Variants in MECOM observed in about 807,000 individuals in gnomAD.
MECOM encodes histone-lysine N-methyltransferase MECOM.
In MECOM, 13 loss-of-function variants were observed where a neutral mutation model predicts 116.3. The ratio of observed to expected loss-of-function variants is 0.11; its 90% confidence interval spans 0.07 to 0.18. The LOEUF (loss-of-function observed/expected upper bound fraction) is 0.18. MECOM is among the 10% of genes least tolerant of loss of function. The pLI, the probability that MECOM is intolerant of heterozygous loss-of-function variation, is 1.00. For missense variants in MECOM, 1,299 were observed against 1,509.0 expected (o/e 0.86, Z 2.31); for synonymous variants, 528 against 535.2 (o/e 0.99, Z 0.19).
Position 169,503,936 on chromosome 3 carries a change from T to C in MECOM, c.38-122412A>G, listed in dbSNP as rs77816888. ...CTAGTGAATATCGTTCTTGTAATAGTATCAATTGTTTCAATATGTAAAACT... is the reference window on the plus strand; with the variant it reads ...CTAGTGAATATCGTTCTTGTAATAGCATCAATTGTTTCAATATGTAAAACT... On this transcript the variant is annotated intron_variant, in intron 1 of 16. Coordinates refer to ENST00000651503, the MANE Select transcript of MECOM (RefSeq NM_004991.4). Among the ~76,000 whole-genome samples, 980 of 152,246 alleles carry C rather than the reference T, an allele frequency of 6.4e-3. 14 individuals are homozygous for C. Among genetic ancestry groups the C allele is most frequent in the Middle Eastern group, 0.017 (5 of 294 alleles).
chr3:169,485,957 A>G (rs1254559431), intron 1 of MECOM, among the ~76,000 whole-genome samples: 2 of 77,124 alleles, frequency 2.6e-5, no homozygotes, highest in Admixed American at 1.4e-4. Flanking sequence ...ATATATGTAC[A>G]TATATACTAT....
chr3:169,508,762 G>A (rs1755606556), intron 1 of MECOM, among the ~76,000 whole-genome samples: 1 of 152,140 alleles, frequency 6.6e-6, no homozygotes, highest in African/African-American at 2.4e-5. Context: ...CCTCTTTGAT[G>A]TAACATTCCT....
chr3:169,282,056 G>A (rs1375132806), intron 2 of MECOM, among the ~76,000 whole-genome samples: 9 of 152,064 alleles, frequency 5.9e-5, no homozygotes, highest in Non-Finnish European at 8.8e-5. Context: ...CTGAATATTC[G>A]ATAAACCTAA....
At chr3:169,161,147 C>T (rs145280009) in intron 2 of MECOM, among the ~76,000 whole-genome samples, 1 of 152,182 alleles carries the variant, frequency 6.6e-6, no homozygotes, top group Non-Finnish European at 1.5e-5. Context: ...TGGTCACCAC[C>T]TTTAAGTAGC....
chr3:169,527,462 A>G (rs1758091755), intron 1 of MECOM, among the ~76,000 whole-genome samples: 1 of 152,232 alleles, frequency 6.6e-6, no homozygotes, highest in Admixed American at 6.5e-5. Flanking sequence ...GGACTACTTA[A>G]GCCCCACGCA....
chr3:169,274,201 T>C (rs1759314413), intron 2 of MECOM, among the ~76,000 whole-genome samples: 1 of 152,152 alleles, frequency 6.6e-6, no homozygotes, highest in Admixed American at 6.5e-5. Context: ...CATGAGGCAC[T>C]GTGCCTGGCC....
chr3:169,270,361 G>A lies in MECOM; in HGVS notation c.375+110826C>T, dbSNP rs547208522. ...TGGATTATTGAAGTAGGAATTTAAG[G>A]TTCCAGATTATATCTATATCTGTAT... On this transcript the variant is annotated intron_variant, in intron 2 of 16. Coordinates refer to ENST00000651503, the MANE Select transcript of MECOM (RefSeq NM_004991.4). Among the ~76,000 whole-genome samples the A allele has an allele frequency of 1.5e-3, 222 of 151,976 alleles. 1 individual carries two copies. The highest frequency in any genetic ancestry group is 2.5e-3 in the Non-Finnish European group (173 of 67,960).
chr3:169,124,008 G>C (rs1731958936), intron 5 of MECOM, among the ~76,000 whole-genome samples: 1 of 152,046 alleles, frequency 6.6e-6, no homozygotes. Context: ...TAAACAAATA[G>C]GCTATGAAGG....
At chr3:169,184,059 T>C (rs1409850379) in intron 2 of MECOM, among the ~76,000 whole-genome samples, 2 of 151,922 alleles carry the variant, frequency 1.3e-5, no homozygotes, top group Non-Finnish European at 1.5e-5. Context: ...AGAGACGCGA[T>C]TTCACCACAT....
At chr3:169,324,393 T>A (rs1721476960) in intron 2 of MECOM, among the ~76,000 whole-genome samples, 1 of 152,248 alleles carries the variant, frequency 6.6e-6, no homozygotes. Flanking sequence ...AAAATCATCT[T>A]CATGGCTGGA....
At chr3:169,434,233 T>C (rs1026984264) in intron 1 of MECOM, among the ~76,000 whole-genome samples, 1 of 152,194 alleles carries the variant, frequency 6.6e-6, no homozygotes, top group Non-Finnish European at 1.5e-5. Context: ...AAAATAAGCA[T>C]ACTTTAGAAG....
intron 2 of MECOM, chr3:169,146,443 G>GA: frequency 2.2e-6 from 3 of 1,389,140 alleles, no homozygotes; most frequent in Non-Finnish European, 2.9e-6. Flanking sequence ...AGAGCGCAAG[G>GA]AAAAGAGGCC....
At chr3:169,358,634 C>T (rs1395219255) in intron 2 of MECOM, among the ~76,000 whole-genome samples, 1 of 151,594 alleles carries the variant, frequency 6.6e-6, no homozygotes, top group Non-Finnish European at 1.5e-5. Flanking sequence ...GTCCCAAAGG[C>T]AGTCTCTCTC....
chr3:169,389,456 C>T (rs1050448700), intron 1 of MECOM: 1 of 599,684 alleles, frequency 1.7e-6, no homozygotes, highest in African/African-American at 2.0e-5. Flanking sequence ...TAAGAACAGA[C>T]TTATCACATA....
chr3:169,126,149 T>C (rs1199217581), intron 5 of MECOM, among the ~76,000 whole-genome samples: 1 of 152,104 alleles, frequency 6.6e-6, no homozygotes, highest in Non-Finnish European at 1.5e-5. Flanking sequence ...TTCTACTAAA[T>C]GTTTGACTGA....
chr3:169,583,954 T>G (rs1765430808), intron 1 of MECOM, among the ~76,000 whole-genome samples: 1 of 152,166 alleles, frequency 6.6e-6, no homozygotes, highest in Non-Finnish European at 1.5e-5. Flanking sequence ...CGTAGCTTAA[T>G]TCTCAAAAAT....
chr3:169,480,771 G>A (rs939353844), intron 1 of MECOM, among the ~76,000 whole-genome samples: 1 of 152,092 alleles, frequency 6.6e-6, no homozygotes, highest in Non-Finnish European at 1.5e-5. Context: ...TTTTCAGGAG[G>A]CTCCTCTCTG....
At chr3:169,641,064 A>T (rs992386882) in intron 1 of MECOM, among the ~76,000 whole-genome samples, 2 of 152,184 alleles carry the variant, frequency 1.3e-5, no homozygotes, top group African/African-American at 2.4e-5. Context: ...GTCTTTTCAC[A>T]TTGCCACCTG....
At chr3:169,097,706 T>C (rs564922546) in intron 12 of MECOM, among the ~76,000 whole-genome samples, 2 of 151,498 alleles carry the variant, frequency 1.3e-5, no homozygotes, top group Admixed American at 6.6e-5. Context: ...GGCACCTGCC[T>C]ATACTATAAT....
Sources: gnomAD v4.1 joint callset for allele counts (sites outside exome capture counted in the v4.1 genomes callset) on GRCh38, gnomAD v4.1.1 for gene constraint, MANE v1.5 for transcripts, NCBI Gene and HGNC (gene_info 2026-07-23, HGNC 2026-07-21) for gene names.